The following KDM1A variants were observed in gnomAD, a reference collection of about 807,000 sequenced individuals.
KDM1A encodes the protein lysine-specific histone demethylase 1A.
In KDM1A, 49 loss-of-function variants were observed where a neutral mutation model predicts 109.4. The observed-to-expected ratio is 0.45, with a 90% CI of 0.36 to 0.57. The LOEUF is 0.57. Ranked by LOEUF, KDM1A falls within the 20% of genes least tolerant of loss-of-function variation. The pLI is 0.00. For missense variants in KDM1A, 668 were observed against 1,116.6 expected (o/e 0.60, Z 5.73); for synonymous variants, 380 against 415.4 (o/e 0.91, Z 1.04).
At chr1:23,047,609 A>C (rs562585367) in intron 3 of KDM1A, among the ~76,000 whole-genome samples, 1 of 152,326 alleles carries the variant, frequency 6.6e-6, no homozygotes, top group South Asian at 2.1e-4. Flanking sequence ...ATTTTTGATA[A>C]GAACATCTGA....
chr1:23,021,427 C>G (rs756108707), intron 1 of KDM1A, among the ~76,000 whole-genome samples: 1 of 152,162 alleles, frequency 6.6e-6, no homozygotes, highest in Non-Finnish European at 1.5e-5. Context: ...TTTGGGAGGC[C>G]AAGGCGGGTG....
chr1:23,062,363 G>T (rs1431000974), intron 9 of KDM1A, among the ~76,000 whole-genome samples: 3 of 152,192 alleles, frequency 2.0e-5, no homozygotes, highest in Admixed American at 2.0e-4. Context: ...AATTCATTCA[G>T]TCATTGATTT....
At position 23,041,065 on chromosome 1, in the gene KDM1A, G is replaced by T. The variant is rs147055538; in HGVS notation, c.518-3362G>T. On this transcript the variant is annotated intron_variant, in intron 2 of 20. Coordinates refer to ENST00000400181, the MANE Select transcript of KDM1A (RefSeq NM_001009999.3). ...AGACCCAAAGAGCAGATGAATAAGG[G>T]ATTTTATATATATCATAATCAGAGA... Among the ~76,000 whole-genome samples the T allele has an allele frequency of 3.2e-3, 480 of 152,260 alleles. 4 individuals are homozygous for T. Among genetic ancestry groups the T allele is most frequent in the African/African-American group, 0.011 (456 of 41,548 alleles).
At chr1:23,049,152 CAAA>C (rs5773034) in intron 3 of KDM1A, among the ~76,000 whole-genome samples, 97 of 75,220 alleles carry the variant, frequency 1.3e-3, no homozygotes, top group African/African-American at 4.9e-3. Flanking sequence ...GACTCCCTCT[CAAA>C]AAAAAAAAAA....
At chr1:23,041,281 C>G (rs1642323064) in intron 2 of KDM1A, among the ~76,000 whole-genome samples, 1 of 151,982 alleles carries the variant, frequency 6.6e-6, no homozygotes, top group Admixed American at 6.6e-5. Context: ...TATTTCCAAG[C>G]AAGTTAAACC....
At position 23,019,944 on chromosome 1, in the gene KDM1A, G is replaced by A. The variant is rs748649267; in HGVS notation, c.348G>A (p.Ala116=). The change falls in exon 1 of 21, where the codon GCG becomes GCA. Residue 116 remains alanine (A), a synonymous_variant. Coordinates refer to ENST00000400181, the MANE Select transcript of KDM1A (RefSeq NM_001009999.3). ...EGRRTSRRKR[A]KVEYREMDES... is the part of the protein sequence containing the mutation. The stretch of plus-strand genomic sequence containing the variant: ...GTCGGACCAGCCGGCGCAAGCGGGC[G>A]AAGGTAAGGCTCGACCCTTCCCTCA... The A allele has an allele frequency of 1.9e-6, 3 of 1,562,002 alleles. No homozygotes were observed. Among genetic ancestry groups the A allele is most frequent in the East Asian group, 5.2e-5 (2 of 38,644 alleles).
intron 2 of KDM1A, among the ~76,000 whole-genome samples, chr1:23,038,449 T>G (rs1642215112): frequency 6.6e-6 from 1 of 152,192 alleles, no homozygotes; most frequent in South Asian, 2.1e-4. Context: ...GTAAGCTTTG[T>G]TATTAACCAG....
chr1:23,062,925 T>TTA (rs1278434506), intron 9 of KDM1A, among the ~76,000 whole-genome samples: 2 of 152,126 alleles, frequency 1.3e-5, no homozygotes, highest in African/African-American at 4.8e-5. Flanking sequence ...GGTGATGGAG[T>TTA]TATACTCTGA....
chr1:23,072,091 C>T, intron 13 of KDM1A, 33 bp from the exon 14 acceptor site: 1 of 1,371,006 alleles, frequency 7.3e-7, no homozygotes, highest in Non-Finnish European at 1.0e-6. Flanking sequence ...TCTGACCCTT[C>T]AGGGTAACTC....
chr1:23,071,450 C>A, intron 13 of KDM1A, 91 bp downstream of exon 13: 2 of 1,252,694 alleles, frequency 1.6e-6, no homozygotes, highest in Non-Finnish European at 2.2e-6. Context: ...AGCCACTAGC[C>A]AATCACAAGT....
chr1:23,076,369 T>C (rs1056309223), intron 15 of KDM1A, among the ~76,000 whole-genome samples: 2 of 152,278 alleles, frequency 1.3e-5, no homozygotes, highest in South Asian at 2.1e-4. Context: ...TGGACTGTCT[T>C]GGGCCACTCT....
chr1:23,071,505 G>T, intron 13 of KDM1A, 146 bp downstream of exon 13: 1 of 662,504 alleles, frequency 1.5e-6, no homozygotes, highest in Non-Finnish European at 2.5e-6. Context: ...GGAGCCATGG[G>T]GATTTAATGG....
intron 3 of KDM1A, among the ~76,000 whole-genome samples, chr1:23,049,776 A>G (rs1642610984): frequency 6.6e-6 from 1 of 151,998 alleles, no homozygotes; most frequent in Admixed American, 6.6e-5. Context: ...TATACATAGT[A>G]ATATTAGTAG....
chr1:23,061,342 C>T (rs481877), intron 9 of KDM1A, among the ~76,000 whole-genome samples: 1,912 of 152,198 alleles, frequency 0.013, 52 homozygotes, highest in African/African-American at 0.043. Flanking sequence ...CTTTGAGTAG[C>T]ACTATAAACA....
At chr1:23,031,632 G>A (rs1641983608) in intron 2 of KDM1A, among the ~76,000 whole-genome samples, 1 of 151,908 alleles carries the variant, frequency 6.6e-6, no homozygotes, top group Non-Finnish European at 1.5e-5. Context: ...ACCAGAAGCA[G>A]TACTGATGCT....
At chr1:23,072,408 T>C (rs1643347147) in intron 14 of KDM1A, among the ~76,000 whole-genome samples, 1 of 152,220 alleles carries the variant, frequency 6.6e-6, no homozygotes, top group African/African-American at 2.4e-5. Context: ...ACAGATTGTT[T>C]CTAAAGAGAG....
At chr1:23,070,522 T>C (rs1643286321) in intron 12 of KDM1A, among the ~76,000 whole-genome samples, 2 of 151,232 alleles carry the variant, frequency 1.3e-5, no homozygotes, top group South Asian at 4.2e-4. Context: ...AAAAACACAT[T>C]ATAGGACCAG....
intron 10 of KDM1A, among the ~76,000 whole-genome samples, chr1:23,067,768 G>A (rs1408909573): frequency 6.6e-6 from 1 of 152,176 alleles, no homozygotes; most frequent in African/African-American, 2.4e-5. Context: ...TTAAGCAGTA[G>A]CAGAGGGGTG....
At chr1:23,044,192 CT>C (rs1642435631) in intron 2 of KDM1A, 1 of 442,976 alleles carries the variant, frequency 2.3e-6, no homozygotes, top group South Asian at 2.1e-5. Context: ...ATACTATGTA[CT>C]TTGTTCCACT....
Sources: allele counts gnomAD v4.1 joint callset (sites outside exome capture counted in the v4.1 genomes callset), GRCh38; gene constraint gnomAD v4.1.1; transcripts MANE v1.5; gene names NCBI Gene and HGNC (gene_info 2026-07-23, HGNC 2026-07-21).